Variants in KLF12 observed in about 807,000 individuals in gnomAD.
KLF12 encodes the protein KLF transcription factor 12.
KLF12 carries 9 observed loss-of-function variants against 37.8 expected under a neutral mutation model. That is an observed-to-expected ratio of 0.24 (90% confidence interval 0.14 to 0.42). The LOEUF is 0.42. Ranked by LOEUF, KLF12 falls within the 10% of genes least tolerant of loss-of-function variation. The pLI is 1.00. For synonymous variants in KLF12, 208 were observed against 202.1 expected, an observed-to-expected ratio of 1.03 and a Z score of -0.25; for missense variants, 411 against 516.0, an observed-to-expected ratio of 0.80 and a Z score of 1.97.
intron 1 of KLF12, among the ~76,000 whole-genome samples, chr13:74,011,885 C>T (rs1892560499): frequency 6.6e-6 from 1 of 152,102 alleles, no homozygotes; most frequent in Non-Finnish European, 1.5e-5. Flanking sequence ...TCAACTATGT[C>T]TTTTCACTAT....
At chr13:73,944,928 C>T (rs1890351597) in intron 2 of KLF12, among the ~76,000 whole-genome samples, 1 of 152,094 alleles carries the variant, frequency 6.6e-6, no homozygotes, top group Non-Finnish European at 1.5e-5. Context: ...GTTTAGAATG[C>T]TAATTTCTCT....
At chr13:74,052,742 G>T (rs574557804) in intron 1 of KLF12, among the ~76,000 whole-genome samples, 2 of 152,222 alleles carry the variant, frequency 1.3e-5, no homozygotes, top group African/African-American at 4.8e-5. Context: ...CTCTACAAAA[G>T]GACATCCTTA....
intron 5 of KLF12, among the ~76,000 whole-genome samples, chr13:73,772,458 C>A (rs2875665): frequency 0.91 from 138,369 of 152,266 alleles, 64,295 homozygotes; most frequent in East Asian, 1. Context: ...TGGAGTGAAC[C>A]TGGGAGTTTC....
chr13:74,072,381 A>ATT (rs1358813671), intron 1 of KLF12, among the ~76,000 whole-genome samples: 1 of 114,884 alleles, frequency 8.7e-6, no homozygotes, highest in Non-Finnish European at 1.7e-5. Context: ...ATATATATAT[A>ATT]TATATATATA....
intron 5 of KLF12, among the ~76,000 whole-genome samples, chr13:73,766,059 C>T (rs536748005): frequency 6.6e-6 from 1 of 152,180 alleles, no homozygotes; most frequent in Non-Finnish European, 1.5e-5. Context: ...CCAGACTGCA[C>T]TTTGCACTCG....
the KLF12 span, among the ~76,000 whole-genome samples, chr13:74,181,309 T>C: frequency 6.8e-6 from 1 of 146,174 alleles, no homozygotes; most frequent in Non-Finnish European, 1.5e-5. Context: ...AAAAATACCT[T>C]AAAAATACAT....
chr13:74,064,185 T>A (rs1370164708), intron 1 of KLF12, among the ~76,000 whole-genome samples: 2 of 152,158 alleles, frequency 1.3e-5, no homozygotes, highest in Non-Finnish European at 2.9e-5. Flanking sequence ...CTTGCAATGG[T>A]GATGATGGAA....
At chr13:74,196,961 G>T in the KLF12 span, among the ~76,000 whole-genome samples, 1 of 152,096 alleles carries the variant, frequency 6.6e-6, no homozygotes, top group African/African-American at 2.4e-5. Flanking sequence ...GTCTGGGAAA[G>T]GTAAGATTTT....
intron 5 of KLF12, among the ~76,000 whole-genome samples, chr13:73,812,619 C>A (rs569822072): frequency 2.1e-4 from 32 of 151,712 alleles, no homozygotes; most frequent in African/African-American, 7.7e-4. Flanking sequence ...AGAAAAGCAG[C>A]TATTTTCAAT....
At chr13:73,954,103 G>A (rs9592954) in intron 2 of KLF12, among the ~76,000 whole-genome samples, 5,180 of 149,294 alleles carry the variant, frequency 0.035, 94 homozygotes, top group East Asian at 0.075. Flanking sequence ...CTCAGTCTCC[G>A]GAGCAGCTGG....
At chr13:74,268,872 C>G in the KLF12 span, among the ~76,000 whole-genome samples, 315 of 152,220 alleles carry the variant, frequency 2.1e-3, 2 homozygotes, top group African/African-American at 6.8e-3. Context: ...TTTTTAGGTT[C>G]TTCACCATGA....
At chr13:73,920,797 CTCTT>C (rs879865797) in intron 3 of KLF12, among the ~76,000 whole-genome samples, 1 of 152,164 alleles carries the variant, frequency 6.6e-6, no homozygotes, top group Admixed American at 6.5e-5. Flanking sequence ...CAAAGTATGG[CTCTT>C]TGACTTGCTG....
At chr13:74,094,722 C>A (rs6562795) in intron 1 of KLF12, among the ~76,000 whole-genome samples, 7,045 of 152,022 alleles carry the variant, frequency 0.046, 534 homozygotes, top group African/African-American at 0.16. Context: ...GCCTCAACCT[C>A]CCAGGTAGCT....
chr13:74,129,290 T>C (rs1878128395), intron 1 of KLF12, among the ~76,000 whole-genome samples: 2 of 152,212 alleles, frequency 1.3e-5, no homozygotes, highest in South Asian at 4.1e-4. Context: ...TTCTTGAACG[T>C]TTTCAATCTA....
At chr13:73,796,199 T>G (rs895308659) in intron 5 of KLF12, among the ~76,000 whole-genome samples, 1 of 152,172 alleles carries the variant, frequency 6.6e-6, no homozygotes, top group African/African-American at 2.4e-5. Context: ...CTCCTCTGAC[T>G]GTCATTCTTA....
At chr13:73,727,368 C>T (rs56962768) in intron 6 of KLF12, among the ~76,000 whole-genome samples, 23,397 of 151,974 alleles carry the variant, frequency 0.15, 2,974 homozygotes, top group African/African-American at 0.35. Context: ...TTCATTTTTG[C>T]GTATGGTATA....
intron 4 of KLF12, among the ~76,000 whole-genome samples, chr13:73,830,063 G>A (rs1884068855): frequency 6.6e-6 from 1 of 152,178 alleles, no homozygotes; most frequent in South Asian, 2.1e-4. Flanking sequence ...GGCAAGAAAT[G>A]TGCTTGTTAA....
At chr13:73,982,555 AAAG>A (rs1891713557) in intron 2 of KLF12, among the ~76,000 whole-genome samples, 1 of 152,268 alleles carries the variant, frequency 6.6e-6, no homozygotes, top group Admixed American at 6.5e-5. Context: ...AAAAAATAAA[AAAG>A]AAATCTTGTT....
At chr13:73,789,450 G>A (rs1190721114) in intron 5 of KLF12, among the ~76,000 whole-genome samples, 3 of 152,066 alleles carry the variant, frequency 2.0e-5, no homozygotes, top group Non-Finnish European at 4.4e-5. Flanking sequence ...CACCCTGAGA[G>A]ACCTGGGAGC....
Sources: allele counts gnomAD v4.1 joint callset (sites outside exome capture counted in the v4.1 genomes callset), GRCh38; gene constraint gnomAD v4.1.1; transcripts MANE v1.5; gene names NCBI Gene and HGNC (gene_info 2026-07-23, HGNC 2026-07-21).